Variants in NOX4 observed in about 807,000 individuals in gnomAD.
NOX4 encodes kidney oxidase-1.
Under a neutral mutation model 87.6 loss-of-function variants are expected in NOX4, and 69 were observed. The ratio of observed to expected loss-of-function variants is 0.79; its 90% CI spans 0.65 to 0.96. NOX4 has a LOEUF of 0.96. Ranked by LOEUF, NOX4 falls within the 40% of genes least tolerant of loss-of-function variation. The pLI, the probability that NOX4 is intolerant of heterozygous loss-of-function variation, is 0.00. For missense variants in NOX4, 680 were observed against 681.5 expected, an observed-to-expected ratio of 1.00 and a Z score of 0.02; for synonymous variants, 275 against 238.2, an observed-to-expected ratio of 1.15 and a Z score of -1.42.
intron 2 of NOX4, among the ~76,000 whole-genome samples, chr11:89,468,445 T>A (rs1945797209): frequency 6.6e-6 from 1 of 152,234 alleles, no homozygotes; most frequent in Non-Finnish European, 1.5e-5. Flanking sequence ...CCCAGAGCAG[T>A]GCTGAAGACT....
chr11:89,355,232 A>G (rs1045039258), intron 12 of NOX4, among the ~76,000 whole-genome samples, 189 bp from the exon 13 acceptor site: 1 of 149,876 alleles, frequency 6.7e-6, no homozygotes, highest in African/African-American at 2.4e-5. Context: ...GTGTGTGTGT[A>G]TATATATATA....
At chr11:89,438,112 C>T (rs1202030077) in intron 6 of NOX4, among the ~76,000 whole-genome samples, 1 of 150,664 alleles carries the variant, frequency 6.6e-6, no homozygotes, top group South Asian at 2.1e-4. Flanking sequence ...TCCAACACCA[C>T]TCATGGGGAC....
the NOX4 span, among the ~76,000 whole-genome samples, chr11:89,533,479 C>T: frequency 5.7e-3 from 869 of 152,150 alleles, 8 homozygotes; most frequent in African/African-American, 0.02. Flanking sequence ...ATAAGGTCAT[C>T]TAACTTGGAC....
intron 11 of NOX4, among the ~76,000 whole-genome samples, chr11:89,395,406 C>T (rs561255047): frequency 4.6e-5 from 7 of 152,262 alleles, no homozygotes; most frequent in Admixed American, 3.9e-4. Flanking sequence ...GATATTAGCT[C>T]TTTGCCAGAT....
At chr11:89,378,460 T>A (rs1465452443) in intron 11 of NOX4, among the ~76,000 whole-genome samples, 5 of 152,190 alleles carry the variant, frequency 3.3e-5, no homozygotes, top group African/African-American at 1.2e-4. Context: ...ACGACTCTTA[T>A]GCTCCTTATT....
intron 6 of NOX4, among the ~76,000 whole-genome samples, chr11:89,437,989 G>A (rs939815702): frequency 6.6e-6 from 1 of 151,646 alleles, no homozygotes; most frequent in Non-Finnish European, 1.5e-5. Context: ...GTAGTGACAG[G>A]ACAGCAGCTC....
At chr11:89,407,072 T>C (rs1565249892) in intron 8 of NOX4, among the ~76,000 whole-genome samples, 1 of 152,098 alleles carries the variant, frequency 6.6e-6, no homozygotes, top group Non-Finnish European at 1.5e-5. Flanking sequence ...TATACATTCA[T>C]ACTCACTGCC....
rs566931843 is a variant in NOX4 at position 89,361,246 on chromosome 11, A to G, written c.1136-6203T>C. On this transcript the variant is annotated intron_variant, in intron 12 of 17. Coordinates refer to ENST00000263317, the MANE Select transcript of NOX4 (RefSeq NM_016931.5). ...TAGATAAAGAAAATGTGGTATACAT[A>G]CAACATGGAATACTACTCAGCCATA... 1.5e-4 allele frequency among the ~76,000 whole-genome samples: 23 copies of G among 152,258 alleles called. 1 individual carries two copies. In the East Asian group the frequency reaches 4.3e-3, roughly 28 times the overall value.
the NOX4 span, among the ~76,000 whole-genome samples, chr11:89,558,706 T>C: frequency 6.6e-6 from 1 of 152,142 alleles, no homozygotes. Flanking sequence ...CAAGGATTCG[T>C]TGGCACAAAT....
chr11:89,459,109 T>C (rs1242231312), intron 2 of NOX4, among the ~76,000 whole-genome samples: 1 of 152,138 alleles, frequency 6.6e-6, no homozygotes, highest in Admixed American at 6.5e-5. Context: ...ACATATACCA[T>C]GGAATACTGC....
upstream of NOX4, among the ~76,000 whole-genome samples, chr11:89,501,614 C>G (rs1190167758): frequency 6.6e-6 from 1 of 152,042 alleles, no homozygotes; most frequent in Non-Finnish European, 1.5e-5. Flanking sequence ...ATACAACGAC[C>G]TTTGTTGTTA....
chr11:89,560,992 CTCTCTATA>C, the NOX4 span, among the ~76,000 whole-genome samples: 51 of 68,198 alleles, frequency 7.5e-4, no homozygotes, highest in African/African-American at 3.6e-3. Flanking sequence ...CTCTCTCTCT[CTCTCTATA>C]TATATATATA....
intron 11 of NOX4, among the ~76,000 whole-genome samples, chr11:89,388,148 T>C (rs904572125): frequency 6.6e-6 from 1 of 152,242 alleles, no homozygotes; most frequent in African/African-American, 2.4e-5. Context: ...ATTTAATTTC[T>C]AGTTTTAAAA....
chr11:89,485,220 A>C (rs1946545481), intron 2 of NOX4, among the ~76,000 whole-genome samples: 1 of 152,176 alleles, frequency 6.6e-6, no homozygotes, highest in Non-Finnish European at 1.5e-5. Flanking sequence ...CTGAATGCTC[A>C]AGAGCATAGA....
chr11:89,443,981 T>A, intron 5 of NOX4, 154 bp downstream of exon 5: 1 of 616,628 alleles, frequency 1.6e-6, no homozygotes, highest in Non-Finnish European at 2.9e-6. Flanking sequence ...TACTTATATT[T>A]TCTACTGAAA....
chr11:89,570,175 A>G, the NOX4 span, among the ~76,000 whole-genome samples: 2 of 152,248 alleles, frequency 1.3e-5, no homozygotes, highest in Non-Finnish European at 2.9e-5. Flanking sequence ...ACGCAGTCAT[A>G]AAAAAGAACG....
chr11:89,458,012 C>G (rs948027930), intron 2 of NOX4, among the ~76,000 whole-genome samples: 5 of 152,140 alleles, frequency 3.3e-5, no homozygotes, highest in African/African-American at 1.2e-4. Context: ...AATACCATTC[C>G]TATCAAACTA....
chr11:89,455,878 A>G (rs1945176355), intron 2 of NOX4, among the ~76,000 whole-genome samples: 1 of 152,004 alleles, frequency 6.6e-6, no homozygotes, highest in South Asian at 2.1e-4. Flanking sequence ...AGCTAAAAAA[A>G]AGAAATTGAA....
upstream of NOX4, among the ~76,000 whole-genome samples, chr11:89,493,282 G>A (rs1414911390): frequency 6.6e-6 from 1 of 152,110 alleles, no homozygotes; most frequent in Non-Finnish European, 1.5e-5. Flanking sequence ...CTATTCAGGA[G>A]GCTGAGGCAG....
Sources: allele counts gnomAD v4.1 joint callset (sites outside exome capture counted in the v4.1 genomes callset), GRCh38; gene constraint gnomAD v4.1.1; transcripts MANE v1.5; gene names NCBI Gene and HGNC (gene_info 2026-07-23, HGNC 2026-07-21).